The following PARD3B variants were observed in gnomAD, a reference collection of about 807,000 sequenced individuals.
PARD3B encodes partitioning defective 3 homolog B.
PARD3B carries 103 observed loss-of-function variants against 130.2 expected under a neutral mutation model. The ratio of observed to expected loss-of-function variants is 0.79; its 90% CI spans 0.67 to 0.93. The LOEUF (loss-of-function observed/expected upper bound fraction) is 0.93. PARD3B is among the 40% of genes least tolerant of loss of function. The pLI, the probability that PARD3B is intolerant of heterozygous loss-of-function variation, is 0.00. For missense variants in PARD3B, 1,609 were observed against 1,499.2 expected (o/e 1.07, Z -1.21); for synonymous variants, 583 against 553.2 (o/e 1.05, Z -0.76).
At chr2:205,232,925 T>G (rs1379792020) in intron 15 of PARD3B, among the ~76,000 whole-genome samples, 1 of 152,184 alleles carries the variant, frequency 6.6e-6, no homozygotes, top group African/African-American at 2.4e-5. Context: ...TGTAATTGGA[T>G]TCACCAAATG....
intron 21 of PARD3B, among the ~76,000 whole-genome samples, chr2:205,504,715 G>A (rs184539736): frequency 1.8e-3 from 273 of 152,304 alleles, no homozygotes; most frequent in African/African-American, 6.4e-3. Flanking sequence ...AGTTAGAATG[G>A]CGATCATTAA....
In PARD3B at chr2:205,619,267, A is replaced by T. The variant is rs1286552173; in HGVS notation, c.*3454A>T. 6 of 152,228 alleles carry T rather than the reference A, an allele frequency of 3.9e-5. No individual in the cohort carries two copies. The East Asian group carries it at 1.2e-3, about 29-fold the overall frequency. 9.4% of individuals were successfully genotyped at this position (152,228 alleles called of 1,614,324 possible). ...TGCACAAATATCAAGCCTATAAAAA[A>T]GTAATTATTTCCCCAAACCTGTAAC... On this transcript the variant is annotated 3_prime_UTR_variant, in exon 23 of 23. Transcript: ENST00000406610.
intron 4 of PARD3B, among the ~76,000 whole-genome samples, chr2:205,070,644 A>G (rs935265016): frequency 3.3e-5 from 5 of 152,160 alleles, no homozygotes; most frequent in Non-Finnish European, 5.9e-5. Context: ...TATAAGATCA[A>G]AAGATACATA....
At chr2:205,423,733 A>T (rs1313131212) in intron 19 of PARD3B, among the ~76,000 whole-genome samples, 1 of 152,198 alleles carries the variant, frequency 6.6e-6, no homozygotes, top group Non-Finnish European at 1.5e-5. Context: ...TGTGATACCT[A>T]TACACCGTGG....
At chr2:205,496,333 C>T (rs1204324661) in intron 20 of PARD3B, among the ~76,000 whole-genome samples, 3 of 152,078 alleles carry the variant, frequency 2.0e-5, no homozygotes, top group Admixed American at 1.3e-4. Flanking sequence ...CCTAATCTTA[C>T]CACCTTAAAT....
chr2:205,188,649 C>A (rs1389573195), intron 14 of PARD3B, among the ~76,000 whole-genome samples: 1 of 152,210 alleles, frequency 6.6e-6, no homozygotes. Context: ...GTGACCTGCA[C>A]CATCCTGCAA....
At chr2:205,161,266 C>A (rs1427254676) in intron 11 of PARD3B, among the ~76,000 whole-genome samples, 2 of 152,122 alleles carry the variant, frequency 1.3e-5, no homozygotes. Context: ...TTCTAACAGT[C>A]CTGTTTCTTG....
At chr2:204,643,635 T>A (rs1244443957) in intron 1 of PARD3B, among the ~76,000 whole-genome samples, 1 of 152,060 alleles carries the variant, frequency 6.6e-6, no homozygotes, top group Non-Finnish European at 1.5e-5. Flanking sequence ...CATCAGCTAT[T>A]GTTAGTGTTA....
chr2:204,836,109 C>T (rs539664398), intron 2 of PARD3B, among the ~76,000 whole-genome samples: 4 of 152,220 alleles, frequency 2.6e-5, no homozygotes, highest in African/African-American at 4.8e-5. Context: ...GTTTTAGCTT[C>T]GTGGGCAACT....
chr2:204,704,544 T>C (rs1258597278), intron 2 of PARD3B, among the ~76,000 whole-genome samples: 2 of 152,140 alleles, frequency 1.3e-5, no homozygotes, highest in Non-Finnish European at 2.9e-5. Context: ...AGGTGGAAAA[T>C]AAAATATGGT....
rs1295388384 is a variant in PARD3B at position 205,092,218 on chromosome 2, C to A, written c.505-12208C>A. Among the ~76,000 whole-genome samples the A allele has an allele frequency of 5.3e-5, 8 of 151,346 alleles. No homozygotes were observed. The East Asian group carries it at 1.5e-3, about 29-fold the overall frequency. ...TGGAGCAAGAGGAAGTGCTGAAGGA[C>A]CAACTTGGAGACTCTCAGGTGTGGA... On this transcript the variant is annotated intron_variant, in intron 4 of 22. Transcript: ENST00000406610.
chr2:204,925,984 T>G (rs1320102645), intron 2 of PARD3B, among the ~76,000 whole-genome samples: 1 of 151,342 alleles, frequency 6.6e-6, no homozygotes, highest in Non-Finnish European at 1.5e-5. Flanking sequence ...GTAAGTTTCC[T>G]GAGGCCTCCC....
Position 204,686,293 on chromosome 2 carries a change from C to G in PARD3B, c.222+11C>G, listed in dbSNP as rs1209339872. On this transcript the variant is annotated intron_variant, in intron 2 of 22. Coordinates refer to ENST00000406610, the MANE Select transcript of PARD3B (RefSeq NM_001302769.2). ...GAAGATAAAGACAAGGTAGATAACT[C>G]TAAAAATGTGCCTCTTTGTTTTCCT... 6.3e-7 allele frequency: 1 copy of G among 1,579,994 alleles called. No individual in the cohort carries two copies. The highest frequency in any genetic ancestry group is 8.7e-7 in the Non-Finnish European group (1 of 1,149,554).
intron 3 of PARD3B, among the ~76,000 whole-genome samples, chr2:204,983,117 T>G (rs17216123): frequency 0.096 from 14,579 of 152,248 alleles, 854 homozygotes; most frequent in Non-Finnish European, 0.13. Context: ...GCTGTTTTCT[T>G]AGCTCGGTGA....
chr2:205,382,225 G>C (rs1332328841), intron 18 of PARD3B, among the ~76,000 whole-genome samples: 1 of 152,032 alleles, frequency 6.6e-6, no homozygotes, highest in East Asian at 1.9e-4. Context: ...CTATGTGACA[G>C]TTCTTCCCTT....
chr2:205,211,572 G>T (rs74521456), intron 15 of PARD3B, among the ~76,000 whole-genome samples: 1 of 152,094 alleles, frequency 6.6e-6, no homozygotes, highest in Non-Finnish European at 1.5e-5. Flanking sequence ...AAGATATCCA[G>T]TAGGACAAAC....
At chr2:205,582,880 C>T (rs1019534540) in intron 22 of PARD3B, among the ~76,000 whole-genome samples, 7 of 152,114 alleles carry the variant, frequency 4.6e-5, no homozygotes, top group Non-Finnish European at 5.9e-5. Flanking sequence ...TCTGAGCCTA[C>T]AGTTCCCTGT....
At chr2:205,612,432 G>GC (rs1559270698) in intron 22 of PARD3B, among the ~76,000 whole-genome samples, 1 of 152,026 alleles carries the variant, frequency 6.6e-6, no homozygotes, top group East Asian at 1.9e-4. Context: ...ATGAGCCACC[G>GC]CCCCCGGCCA....
intron 15 of PARD3B, among the ~76,000 whole-genome samples, chr2:205,212,286 A>T (rs932377742): frequency 6.6e-6 from 1 of 152,144 alleles, no homozygotes; most frequent in Non-Finnish European, 1.5e-5. Flanking sequence ...CTTCTTAAAT[A>T]CGGGATTGCT....
Sources: gnomAD v4.1 joint callset for allele counts (sites outside exome capture counted in the v4.1 genomes callset) on GRCh38, gnomAD v4.1.1 for gene constraint, MANE v1.5 for transcripts, NCBI Gene and HGNC (gene_info 2026-07-23, HGNC 2026-07-21) for gene names.